The following PHF21B variants were observed in gnomAD, a reference collection of about 807,000 sequenced individuals.
PHF21B encodes the protein PHD finger protein 4.
A neutral mutation model predicts 62.2 loss-of-function variants in PHF21B; 22 were observed. The observed-to-expected ratio is 0.35, with a 90% CI of 0.25 to 0.51. The LOEUF (loss-of-function observed/expected upper bound fraction) is 0.51, where lower values mean the gene tolerates loss of function less well. Among genes scored for constraint, PHF21B ranks in the 20% least tolerant of loss-of-function variants. The pLI is 0.97. For synonymous variants in PHF21B, 341 were observed against 314.7 expected (o/e 1.08, Z -0.88); for missense variants, 701 against 707.9 (o/e 0.99, Z 0.11).
At chr22:44,929,322 A>G (rs530007587) in intron 2 of PHF21B, among the ~76,000 whole-genome samples, 3 of 152,362 alleles carry the variant, frequency 2.0e-5, no homozygotes, top group Admixed American at 6.5e-5. Context: ...GAATGTGCTT[A>G]GGCTTGGCCT....
At chr22:44,988,928 G>A (rs2072998338) in intron 2 of PHF21B, among the ~76,000 whole-genome samples, 1 of 152,142 alleles carries the variant, frequency 6.6e-6, no homozygotes, top group African/African-American at 2.4e-5. Context: ...ATGGTGCCTG[G>A]CTGCTGTGTC....
At chr22:44,925,911 G>A (rs891113092) in intron 2 of PHF21B, among the ~76,000 whole-genome samples, 1 of 152,340 alleles carries the variant, frequency 6.6e-6, no homozygotes, top group East Asian at 1.9e-4. Flanking sequence ...TCAACAGTCA[G>A]GGCCCCAGGC....
intron 2 of PHF21B, among the ~76,000 whole-genome samples, chr22:44,966,780 T>C (rs1190162587): frequency 2.0e-5 from 3 of 151,674 alleles, no homozygotes; most frequent in African/African-American, 7.3e-5. Context: ...ATCTGAGGAG[T>C]GAGGTCCAGT....
intron 3 of PHF21B, among the ~76,000 whole-genome samples, chr22:44,920,047 A>G (rs2071506632): frequency 1.8e-5 from 2 of 108,142 alleles, no homozygotes; most frequent in African/African-American, 3.0e-5. Context: ...AGTCAAAAAT[A>G]CACACGACGG....
At chr22:44,984,080 CCATCACCATCAT>C (rs1200298315) in intron 2 of PHF21B, among the ~76,000 whole-genome samples, 12 of 34,314 alleles carry the variant, frequency 3.5e-4, no homozygotes, top group East Asian at 8.8e-4. Context: ...ATCACCACCA[CCATCACCATCAT>C]CATCACCATC....
At chr22:44,985,747 G>A (rs997570019) in intron 2 of PHF21B, among the ~76,000 whole-genome samples, 4 of 152,158 alleles carry the variant, frequency 2.6e-5, no homozygotes, top group Non-Finnish European at 5.9e-5. Flanking sequence ...ACCATAGGAG[G>A]TGGTCAGTAA....
chr22:44,895,052 A>T (rs2071033016), intron 6 of PHF21B, among the ~76,000 whole-genome samples: 1 of 152,212 alleles, frequency 6.6e-6, no homozygotes, highest in South Asian at 2.1e-4. Context: ...GAGGAACGCT[A>T]GGCGAACCTT....
At chr22:44,994,689 C>T (rs1222944264) in intron 2 of PHF21B, among the ~76,000 whole-genome samples, 1 of 152,192 alleles carries the variant, frequency 6.6e-6, no homozygotes, top group Admixed American at 6.5e-5. Context: ...CCCAGCTGGA[C>T]TGGGCAGCCT....
chr22:44,920,618 T>G, intron 2 of PHF21B, 128 bp from the exon 3 acceptor site: 1 of 511,692 alleles, frequency 2.0e-6, no homozygotes, highest in Non-Finnish European at 3.5e-6. Context: ...CTTTCTTAAT[T>G]ATGATTTTTA....
intron 2 of PHF21B, among the ~76,000 whole-genome samples, chr22:44,921,932 T>C (rs939723680): frequency 2.0e-5 from 3 of 152,188 alleles, no homozygotes; most frequent in Non-Finnish European, 4.4e-5. Context: ...GTGCTGGGAT[T>C]ATAGGCATGA....
intron 2 of PHF21B, among the ~76,000 whole-genome samples, chr22:44,944,051 C>G (rs1352151302): frequency 6.6e-6 from 1 of 152,212 alleles, no homozygotes; most frequent in Non-Finnish European, 1.5e-5. Flanking sequence ...CAGCTCCCTC[C>G]TCTACCCTCC....
chr22:44,916,028 C>T (rs1225710660), intron 4 of PHF21B, among the ~76,000 whole-genome samples: 4 of 152,164 alleles, frequency 2.6e-5, no homozygotes, highest in African/African-American at 9.7e-5. Context: ...TTCATGCAGC[C>T]GTATTGTCTC....
At chr22:44,959,101 C>T (rs1211493190) in intron 2 of PHF21B, among the ~76,000 whole-genome samples, 1 of 152,106 alleles carries the variant, frequency 6.6e-6, no homozygotes, top group African/African-American at 2.4e-5. Flanking sequence ...CCTGCATGGC[C>T]TCCTCTCCCT....
At chr22:44,983,314 G>C (rs994255232) in intron 2 of PHF21B, among the ~76,000 whole-genome samples, 3 of 152,032 alleles carry the variant, frequency 2.0e-5, no homozygotes, top group Non-Finnish European at 4.4e-5. Flanking sequence ...GGCTCCTCTT[G>C]CTTCTCACCC....
chr22:44,923,056 G>T (rs541745676), intron 2 of PHF21B, among the ~76,000 whole-genome samples: 1 of 151,710 alleles, frequency 6.6e-6, no homozygotes, highest in East Asian at 1.9e-4. Context: ...CAAACAAAGG[G>T]AAAGATTTAA....
intron 2 of PHF21B, among the ~76,000 whole-genome samples, chr22:44,958,388 G>A (rs2072345859): frequency 1.3e-5 from 2 of 152,168 alleles, no homozygotes; most frequent in Admixed American, 6.5e-5. Context: ...AACTCCGAGA[G>A]CTTTCTCAAC....
intron 2 of PHF21B, among the ~76,000 whole-genome samples, chr22:44,961,977 G>A (rs1310373915): frequency 1.3e-5 from 2 of 152,074 alleles, no homozygotes; most frequent in Admixed American, 6.6e-5. Context: ...ATTCCATGGT[G>A]TATATGTACC....
intron 9 of PHF21B, 94 bp from the exon 10 acceptor site, chr22:44,888,215 C>A: frequency 1.5e-6 from 2 of 1,301,186 alleles, no homozygotes; most frequent in Non-Finnish European, 2.0e-6. Context: ...TGTGTCTGAC[C>A]TACATGTGGC....
chr22:44,915,367 A>C (rs537651689), intron 4 of PHF21B, among the ~76,000 whole-genome samples: 5 of 152,380 alleles, frequency 3.3e-5, no homozygotes, highest in African/African-American at 1.2e-4. Flanking sequence ...GTAAATGAAC[A>C]AAACAGTGTT....
Sources: gnomAD v4.1 joint callset for allele counts (sites outside exome capture counted in the v4.1 genomes callset) on GRCh38, gnomAD v4.1.1 for gene constraint, MANE v1.5 for transcripts, NCBI Gene and HGNC (gene_info 2026-07-23, HGNC 2026-07-21) for gene names.